Variants in NCKAP5 observed in about 807,000 individuals in gnomAD.
NCKAP5 encodes the protein nck-associated protein 5.
A neutral mutation model predicts 167.0 loss-of-function variants in NCKAP5; 92 were observed. That is an observed-to-expected ratio of 0.55 (90% confidence interval 0.47 to 0.66). NCKAP5 has a LOEUF of 0.66. NCKAP5 is among the 30% of genes least tolerant of loss of function. The pLI, the probability that NCKAP5 is intolerant of heterozygous loss-of-function variation, is 0.00. For synonymous variants in NCKAP5, 891 were observed against 877.4 expected, an observed-to-expected ratio of 1.02 and a Z score of -0.27; for missense variants, 2,378 against 2,315.0, an observed-to-expected ratio of 1.03 and a Z score of -0.56.
Position 133,538,906 on chromosome 2 carries a change from T to TG in NCKAP5, c.-62+20143dup, listed in dbSNP as rs1553437605. Among the ~76,000 whole-genome samples the TG allele has an allele frequency of 1.9e-3, 278 of 143,600 alleles. 8 individuals are homozygous for TG. The highest frequency in any genetic ancestry group is 0.017 in the Admixed American group (251 of 14,362). The allele number at this position is 143,600 out of a possible 152,430, so 94.2% of individuals were successfully genotyped here. On this transcript the variant is annotated intron_variant, in intron 2 of 19. Transcript: ENST00000409261. ...ATCTGAGATGTACCTAGTTTTTTTTTGGTTTTTTTTTGTGGTTTTTTTGGG... is the reference window on the plus strand; with the variant it reads ...ATCTGAGATGTACCTAGTTTTTTTTTGGGTTTTTTTTTGTGGTTTTTTTGGG...
intron 3 of NCKAP5, among the ~76,000 whole-genome samples, chr2:133,339,006 T>G (rs375832867): frequency 6.2e-4 from 95 of 152,080 alleles, no homozygotes; most frequent in African/African-American, 2.2e-3. Flanking sequence ...TGTGACAGAG[T>G]GAGACTCCAT....
At position 133,282,936 on chromosome 2, in the gene NCKAP5, C is replaced by G. The variant is rs554568565; in HGVS notation, c.143+20101G>C. 3.9e-5 allele frequency among the ~76,000 whole-genome samples: 6 copies of G among 152,268 alleles called. No individual in the cohort carries two copies. The South Asian group carries it at 1.2e-3, about 32-fold the overall frequency. Reference sequence around the variant, plus strand: ...GATCATCCATATGTATTAAAACAATCCTTGACTGTTGGACACCAAGGAGAT... The same window carrying G: ...GATCATCCATATGTATTAAAACAATGCTTGACTGTTGGACACCAAGGAGAT... On this transcript the variant is annotated intron_variant, in intron 4 of 19. Coordinates refer to ENST00000409261, the MANE Select transcript of NCKAP5 (RefSeq NM_207363.3).
chr2:133,039,247 C>A (rs2079135933), intron 6 of NCKAP5, among the ~76,000 whole-genome samples: 1 of 152,172 alleles, frequency 6.6e-6, no homozygotes, highest in South Asian at 2.1e-4. Context: ...AAGCCAAATG[C>A]AGGTGAAACC....
At chr2:133,102,840 G>A (rs1024776048) in intron 6 of NCKAP5, among the ~76,000 whole-genome samples, 2 of 150,454 alleles carry the variant, frequency 1.3e-5, no homozygotes, top group South Asian at 4.2e-4. Flanking sequence ...ACAATAACAA[G>A]GCTCTGAAGT....
intron 11 of NCKAP5, among the ~76,000 whole-genome samples, chr2:132,827,835 G>C (rs1687238669): frequency 6.6e-6 from 1 of 152,104 alleles, no homozygotes. Context: ...AGGTTTAAAT[G>C]TATTTCAGCT....
chr2:133,466,855 G>C (rs899261216), intron 3 of NCKAP5, among the ~76,000 whole-genome samples: 1 of 152,104 alleles, frequency 6.6e-6, no homozygotes, highest in Non-Finnish European at 1.5e-5. Flanking sequence ...TTTGTACATT[G>C]ATTTTGTATG....
chr2:133,308,167 C>A (rs1015880033), intron 3 of NCKAP5, among the ~76,000 whole-genome samples: 1 of 143,706 alleles, frequency 7.0e-6, no homozygotes, highest in Non-Finnish European at 1.5e-5. Context: ...CGGCTCACTG[C>A]AAGCTCCGCC....
intron 3 of NCKAP5, among the ~76,000 whole-genome samples, chr2:133,467,690 C>G (rs1306007038): frequency 5.4e-5 from 8 of 149,454 alleles, no homozygotes; most frequent in African/African-American, 1.7e-4. Flanking sequence ...ATTTCAGCTC[C>G]TGTTATTGGT....
chr2:132,963,582 T>C (rs561121731), intron 8 of NCKAP5, 138 bp downstream of exon 8: 500 of 927,500 alleles, frequency 5.4e-4, no homozygotes, highest in Non-Finnish European at 7.3e-4. Flanking sequence ...TAGACAAATC[T>C]CAGCAGGAAA....
At chr2:132,979,109 GTCA>G (rs1474904236) in intron 7 of NCKAP5, among the ~76,000 whole-genome samples, 1 of 152,118 alleles carries the variant, frequency 6.6e-6, no homozygotes, top group Non-Finnish European at 1.5e-5. Context: ...TCCAGGGCCT[GTCA>G]TCATGTCAAG....
At chr2:132,810,545 T>C (rs1414373565) in intron 11 of NCKAP5, among the ~76,000 whole-genome samples, 2 of 152,178 alleles carry the variant, frequency 1.3e-5, no homozygotes, top group Non-Finnish European at 2.9e-5. Flanking sequence ...AATTTCTTTC[T>C]TCTACTTGTT....
the NCKAP5 span, among the ~76,000 whole-genome samples, chr2:133,607,877 G>A: frequency 3.3e-3 from 500 of 152,180 alleles, no homozygotes; most frequent in Non-Finnish European, 5.2e-3. Context: ...GGTGAGTCTG[G>A]GACTCATTTT....
At chr2:133,319,492 T>C (rs1455483920) in intron 3 of NCKAP5, among the ~76,000 whole-genome samples, 3 of 152,120 alleles carry the variant, frequency 2.0e-5, no homozygotes, top group African/African-American at 7.2e-5. Context: ...CAAAGCGTTA[T>C]GCAGCTAAAA....
intron 3 of NCKAP5, among the ~76,000 whole-genome samples, chr2:133,349,118 C>A (rs1022823571): frequency 6.6e-6 from 1 of 152,112 alleles, no homozygotes; most frequent in Non-Finnish European, 1.5e-5. Flanking sequence ...TTTTTCTCTG[C>A]CCACAAAAAG....
intron 3 of NCKAP5, among the ~76,000 whole-genome samples, chr2:133,348,718 G>A (rs1477786407): frequency 6.6e-6 from 1 of 151,904 alleles, no homozygotes; most frequent in Non-Finnish European, 1.5e-5. Flanking sequence ...AAAATATATT[G>A]CAGACAACAT....
chr2:133,536,675 G>A (rs1464079134), intron 2 of NCKAP5, among the ~76,000 whole-genome samples: 1 of 151,816 alleles, frequency 6.6e-6, no homozygotes, highest in Non-Finnish European at 1.5e-5. Flanking sequence ...TTATTATTGA[G>A]TTCTAAGAGT....
At chr2:132,950,169 T>C (rs2076141659) in intron 8 of NCKAP5, among the ~76,000 whole-genome samples, 1 of 152,200 alleles carries the variant, frequency 6.6e-6, no homozygotes, top group South Asian at 2.1e-4. Context: ...GATTGTATCT[T>C]ACTAAAAATA....
intron 4 of NCKAP5, among the ~76,000 whole-genome samples, chr2:133,282,395 T>A (rs893938410): frequency 6.6e-6 from 1 of 152,146 alleles, no homozygotes; most frequent in Non-Finnish European, 1.5e-5. Flanking sequence ...AAAAGACCCA[T>A]GACCAAATGA....
chr2:132,959,736 G>A (rs1464644557), intron 8 of NCKAP5, among the ~76,000 whole-genome samples: 1 of 152,172 alleles, frequency 6.6e-6, no homozygotes, highest in Admixed American at 6.5e-5. Flanking sequence ...AGTGGCTTCT[G>A]GTGGGGTGGC....
Sources: allele counts gnomAD v4.1 joint callset (sites outside exome capture counted in the v4.1 genomes callset), GRCh38; gene constraint gnomAD v4.1.1; transcripts MANE v1.5; gene names NCBI Gene and HGNC (gene_info 2026-07-23, HGNC 2026-07-21).